Variants in SLC16A1 observed in about 807,000 individuals in gnomAD.
SLC16A1 encodes monocarboxylate transporter 1.
SLC16A1 carries 11 observed loss-of-function variants against 32.2 expected under a neutral mutation model. That is an observed-to-expected ratio of 0.34 (90% CI 0.21 to 0.56). The LOEUF is 0.56. SLC16A1 is among the 20% of genes least tolerant of loss of function. The pLI is 0.87. For missense variants in SLC16A1, 435 were observed against 615.0 expected (o/e 0.71, Z 3.10); for synonymous variants, 231 against 226.8 (o/e 1.02, Z -0.17).
intron 1 of SLC16A1, among the ~76,000 whole-genome samples, chr1:112,936,470 G>T (rs1649308537): frequency 9.0e-6 from 1 of 110,850 alleles, no homozygotes; most frequent in East Asian, 2.8e-4. Flanking sequence ...GACACAGCAT[G>T]ACTCTGTCTC....
intron 1 of SLC16A1, among the ~76,000 whole-genome samples, chr1:112,936,404 AG>A (rs1489740971): frequency 7.3e-6 from 1 of 136,168 alleles, no homozygotes; most frequent in Non-Finnish European, 1.5e-5. Context: ...GCTACTTGGG[AG>A]GCTGAGGCAG....
chr1:112,940,289 G>A (rs1050451612), intron 1 of SLC16A1, among the ~76,000 whole-genome samples: 5 of 151,796 alleles, frequency 3.3e-5, no homozygotes, highest in Admixed American at 1.3e-4. Flanking sequence ...GTGATCCGCC[G>A]GCCTCCGCCT....
At chr1:112,934,854 T>C (rs925973743) in intron 1 of SLC16A1, among the ~76,000 whole-genome samples, 3 of 152,152 alleles carry the variant, frequency 2.0e-5, no homozygotes, top group Admixed American at 1.3e-4. Flanking sequence ...TAGCAAAGAT[T>C]TCCCACAAAG....
Position 112,917,368 on chromosome 1 carries a change from T to A in SLC16A1, c.1038A>T (p.Leu346=). 1 of 1,614,222 alleles carries A rather than the reference T, an allele frequency of 6.2e-7. No individual in the cohort carries two copies. The highest frequency in any genetic ancestry group is 8.5e-7 in the Non-Finnish European group (1 of 1,180,040). ...CAACATAGGTAGTGGATAAAGGTGC[T>A]AGCATATGACACACTCCATTTGCAA... ...SVVANGVCHM[L]APLSTTYVGF... Residue 346 remains leucine, a synonymous_variant, in exon 4 of 5, where the codon CTA becomes CTT. Coordinates refer to ENST00000369626, the MANE Select transcript of SLC16A1 (RefSeq NM_003051.4). The surrounding 1 kb of genome is among the most constrained non-coding windows in gnomAD (Gnocchi z 4.1).
At chr1:112,943,721 GA>G (rs1488999920) in intron 1 of SLC16A1, among the ~76,000 whole-genome samples, 1 of 150,258 alleles carries the variant, frequency 6.7e-6, no homozygotes, top group African/African-American at 2.5e-5. Context: ...TCAGGAGGCG[GA>G]GGTTGTGGTG....
Position 112,912,478 on chromosome 1 carries a change from T to C in SLC16A1, c.*1413A>G, listed in dbSNP as rs1648356224. 6.6e-6 allele frequency: 1 copy of C among 152,226 alleles called. No individual in the cohort carries two copies. Among genetic ancestry groups the C allele is most frequent in the African/African-American group, 2.4e-5 (1 of 41,470 alleles). 9.4% of individuals were successfully genotyped at this position (152,226 alleles called of 1,614,324 possible). On this transcript the variant is annotated 3_prime_UTR_variant, in exon 5 of 5. Coordinates refer to ENST00000369626, the MANE Select transcript of SLC16A1 (RefSeq NM_003051.4). The stretch of plus-strand genomic sequence containing the variant: ...TTGAATATAATTCATTGAATGTCTG[T>C]ATCTTTCTGCCTCGATTTAAGTGAT...
intron 1 of SLC16A1, among the ~76,000 whole-genome samples, chr1:112,944,499 A>G (rs1649625767): frequency 1.3e-5 from 2 of 152,328 alleles, no homozygotes; most frequent in South Asian, 4.1e-4. Context: ...CAAGTTATAC[A>G]TGTGTGTTAT....
At chr1:112,931,316 C>T (rs188697788) in intron 1 of SLC16A1, among the ~76,000 whole-genome samples, 46 of 152,120 alleles carry the variant, frequency 3.0e-4, no homozygotes, top group African/African-American at 1.1e-3. Context: ...CTAGCCAATA[C>T]AGTTAAAATC....
At chr1:112,948,221 G>A (rs1044431460) in intron 1 of SLC16A1, among the ~76,000 whole-genome samples, 1 of 152,022 alleles carries the variant, frequency 6.6e-6, no homozygotes, top group South Asian at 2.1e-4. Flanking sequence ...AACTCCAGCC[G>A]GGGGCGGCGG....
intron 3 of SLC16A1, 91 bp from the exon 4 acceptor site, chr1:112,918,135 AT>A: frequency 1.0e-6 from 1 of 970,382 alleles, no homozygotes; most frequent in Non-Finnish European, 1.3e-6. Flanking sequence ...GGAATAGGAT[AT>A]AAATCCTCAT....
intron 1 of SLC16A1, among the ~76,000 whole-genome samples, chr1:112,940,538 A>C (rs942072960): frequency 6.6e-6 from 1 of 152,192 alleles, no homozygotes; most frequent in South Asian, 2.1e-4. Flanking sequence ...GGTGCATTCA[A>C]CTGAATCAGA....
intron 1 of SLC16A1, among the ~76,000 whole-genome samples, chr1:112,941,267 C>A (rs1188911022): frequency 1.4e-5 from 2 of 146,886 alleles, no homozygotes; most frequent in Non-Finnish European, 3.0e-5. Context: ...CCCCTATAGA[C>A]CTCTTCACAC....
At chr1:112,918,085 TAA>T in intron 3 of SLC16A1, 41 bp from the exon 4 acceptor site, 1 of 1,106,464 alleles carries the variant, frequency 9.0e-7, no homozygotes, top group Non-Finnish European at 1.1e-6. Context: ...AATAAATAAA[TAA>T]ATAAATAAAT....
chr1:112,938,865 T>G (rs1048329074), intron 1 of SLC16A1, among the ~76,000 whole-genome samples: 2 of 151,896 alleles, frequency 1.3e-5, no homozygotes, highest in Non-Finnish European at 2.9e-5. Context: ...TACCAATAAA[T>G]AGAAAGCATT....
Position 112,918,057 on chromosome 1 carries a change from T to TAAAG in SLC16A1, c.362-14_362-13insCTTT, listed in dbSNP as rs773587590. 1,312 of 29,980 alleles carry TAAAG rather than the reference T, an allele frequency of 0.044. 47 individuals carry two copies. The highest frequency in any genetic ancestry group is 0.2 in the African/African-American group (698 of 3,486). The allele number at this position is 29,980 out of a possible 1,614,324, so 1.9% of individuals were successfully genotyped here. A position where few individuals can be genotyped will look rare whatever the true frequency, so the allele number is the denominator to read the frequency against. On this transcript the variant is annotated splice_polypyrimidine_tract_variant and intron_variant, in intron 3 of 4. Coordinates refer to ENST00000369626, the MANE Select transcript of SLC16A1 (RefSeq NM_003051.4). The stretch of plus-strand genomic sequence containing the variant: ...GCAAGCCCAAGACCTGTGAAGACAA[T>TAAAG]AAATAAATAAATAAATAAATAAATA...
intron 1 of SLC16A1, among the ~76,000 whole-genome samples, chr1:112,946,949 C>T (rs903784631): frequency 6.6e-6 from 1 of 152,182 alleles, no homozygotes; most frequent in African/African-American, 2.4e-5. Flanking sequence ...TTGCCTTCTT[C>T]TCACAGACTG....
At chr1:112,935,937 T>C (rs1030177935) in intron 1 of SLC16A1, 6 of 152,264 alleles carry the variant, frequency 3.9e-5, no homozygotes, top group Admixed American at 6.5e-5. Flanking sequence ...CTCTCCCTTC[T>C]ATGTTGTCAT....
At chr1:112,953,004 CTGTT>C (rs1194155848) in intron 1 of SLC16A1, among the ~76,000 whole-genome samples, 4 of 152,202 alleles carry the variant, frequency 2.6e-5, no homozygotes, top group Non-Finnish European at 5.9e-5. Context: ...CAAATCCTGT[CTGTT>C]TCTCTACCAA....
In SLC16A1 at chr1:112,929,003, A is replaced by G. The variant is rs1170216726; in HGVS notation, c.217+89T>C. ...AACATTTCAAAACATCTCACTGAAT[A>G]AGACTTTTTTTTTTTTTTAAAGTTA... On this transcript the variant is annotated intron_variant, in intron 2 of 4. Transcript: ENST00000369626. 5 of 906,392 alleles carry G rather than the reference A, an allele frequency of 5.5e-6. No homozygotes were observed. In the African/African-American group the frequency reaches 9.7e-5, roughly 18 times the overall value. 56.1% of individuals were successfully genotyped at this position (906,392 alleles called of 1,614,324 possible).
Sources: allele counts gnomAD v4.1 joint callset (sites outside exome capture counted in the v4.1 genomes callset), GRCh38; gene constraint gnomAD v4.1.1; non-coding constraint Gnocchi (gnomAD v3.1); transcripts MANE v1.5; gene names NCBI Gene and HGNC (gene_info 2026-07-23, HGNC 2026-07-21).